Variants in DCC observed in about 807,000 individuals in gnomAD.
The protein encoded by DCC is DCC netrin 1 receptor.
A neutral mutation model predicts 172.5 loss-of-function variants in DCC; 58 were observed. That is an observed-to-expected ratio of 0.34 (90% CI 0.27 to 0.42). DCC has a LOEUF of 0.42. Among genes scored for constraint, DCC ranks in the 10% least tolerant of loss-of-function variants. The pLI is 1.00. For synonymous variants in DCC, 709 were observed against 644.5 expected (o/e 1.10, Z -1.52); for missense variants, 1,740 against 1,791.0 (o/e 0.97, Z 0.51).
intron 12 of DCC, 106 bp from the exon 13 acceptor site, chr18:53,305,469 ACTT>A: frequency 1.1e-6 from 1 of 887,962 alleles, no homozygotes; most frequent in Non-Finnish European, 1.9e-6. Flanking sequence ...AATCGCTAAC[ACTT>A]CTTGCTTCTC....
chr18:52,353,218 C>T (rs1984204352), intron 1 of DCC, among the ~76,000 whole-genome samples: 1 of 152,196 alleles, frequency 6.6e-6, no homozygotes, highest in African/African-American at 2.4e-5. Flanking sequence ...CTTGAGATTA[C>T]AAGCCCTTGA....
At chr18:52,342,285 G>C (rs1983680303) in intron 1 of DCC, among the ~76,000 whole-genome samples, 1 of 71,476 alleles carries the variant, frequency 1.4e-5, no homozygotes, top group Admixed American at 1.6e-4. Context: ...GTGTGCGTGT[G>C]TGTGTGTGTG....
intron 27 of DCC, among the ~76,000 whole-genome samples, chr18:53,514,877 G>A (rs1295176467): frequency 6.6e-6 from 1 of 151,784 alleles, no homozygotes; most frequent in Non-Finnish European, 1.5e-5. Flanking sequence ...GGTACAAGGA[G>A]GAACTAGTAC....
At chr18:53,062,575 T>G (rs8084454) in intron 5 of DCC, among the ~76,000 whole-genome samples, 7 of 151,912 alleles carry the variant, frequency 4.6e-5, no homozygotes. Flanking sequence ...CAAGGTTTTG[T>G]GGGCTAAGCC....
chr18:53,424,844 C>T (rs1227787716), intron 21 of DCC, among the ~76,000 whole-genome samples: 1 of 152,138 alleles, frequency 6.6e-6, no homozygotes, highest in Non-Finnish European at 1.5e-5. Flanking sequence ...GAGGCTTTTG[C>T]TATTTCTCTC....
At chr18:53,236,795 G>A (rs1048418213) in intron 12 of DCC, among the ~76,000 whole-genome samples, 6 of 151,988 alleles carry the variant, frequency 3.9e-5, no homozygotes, top group Non-Finnish European at 7.4e-5. Context: ...TAGGTATCCA[G>A]TTTTGTCGGC....
At chr18:53,149,176 A>G (rs991154595) in intron 7 of DCC, among the ~76,000 whole-genome samples, 2 of 152,022 alleles carry the variant, frequency 1.3e-5, no homozygotes, top group Non-Finnish European at 2.9e-5. Flanking sequence ...AAGCCTTTCT[A>G]TGAGAGTTCC....
chr18:53,281,842 G>T (rs1332324632), intron 12 of DCC, among the ~76,000 whole-genome samples: 1 of 146,096 alleles, frequency 6.8e-6, no homozygotes, highest in East Asian at 2.1e-4. Context: ...AGTTGCAATA[G>T]AATTCTCCAA....
chr18:53,046,129 A>C (rs1279602152), intron 5 of DCC, among the ~76,000 whole-genome samples: 1 of 151,958 alleles, frequency 6.6e-6, no homozygotes, highest in South Asian at 2.1e-4. Flanking sequence ...ATAGAGTCTC[A>C]AAGCTGGAAT....
intron 1 of DCC, among the ~76,000 whole-genome samples, chr18:52,591,700 A>C (rs1436317175): frequency 6.6e-6 from 1 of 151,872 alleles, no homozygotes; most frequent in Non-Finnish European, 1.5e-5. Context: ...CTCTTGCCTC[A>C]GCCTTCTGAG....
intron 1 of DCC, among the ~76,000 whole-genome samples, chr18:52,510,827 C>CAG (rs2031410980): frequency 5.3e-5 from 8 of 152,154 alleles, no homozygotes; most frequent in African/African-American, 1.9e-4. Flanking sequence ...GAGATAATCA[C>CAG]CTATTGTATG....
At chr18:52,789,515 A>G (rs2037721122) in intron 2 of DCC, among the ~76,000 whole-genome samples, 1 of 152,200 alleles carries the variant, frequency 6.6e-6, no homozygotes, top group Non-Finnish European at 1.5e-5. Context: ...ACTCTTTAAG[A>G]AAATTATTTT....
At chr18:53,339,598 G>C (rs1439205170) in intron 14 of DCC, 115 bp from the exon 15 acceptor site, 1 of 821,372 alleles carries the variant, frequency 1.2e-6, no homozygotes, top group African/African-American at 1.7e-5. Flanking sequence ...TTGGGCAATA[G>C]GTGATGCATT....
chr18:53,330,560 A>AC (rs1568060855), intron 14 of DCC, among the ~76,000 whole-genome samples: 1 of 151,936 alleles, frequency 6.6e-6, no homozygotes, highest in East Asian at 1.9e-4. Context: ...TGTCAGAGTG[A>AC]TTTTTTCAGA....
At chr18:52,343,818 C>T (rs12960128) in intron 1 of DCC, among the ~76,000 whole-genome samples, 10,889 of 152,296 alleles carry the variant, frequency 0.071, 690 homozygotes, top group East Asian at 0.31. Flanking sequence ...TCTTCTCATT[C>T]CCCCAACCAA....
chr18:52,387,575 C>G (rs551780107), intron 1 of DCC, among the ~76,000 whole-genome samples: 130 of 8,586 alleles, frequency 0.015, 2 homozygotes, highest in African/African-American at 0.066. Context: ...TGTTTTGTTT[C>G]TTCCTTCCTT....
chr18:53,295,074 G>A (rs1431185), intron 12 of DCC, among the ~76,000 whole-genome samples: 3,686 of 152,002 alleles, frequency 0.024, 153 homozygotes, highest in African/African-American at 0.084. Flanking sequence ...TACCCAACGT[G>A]TACTTAAACA....
chr18:53,261,936 T>C (rs921975063), intron 12 of DCC, among the ~76,000 whole-genome samples: 1 of 152,170 alleles, frequency 6.6e-6, no homozygotes, highest in African/African-American at 2.4e-5. Flanking sequence ...GAAGAAATGT[T>C]TAATAGGGAC....
intron 2 of DCC, among the ~76,000 whole-genome samples, chr18:52,823,461 C>A (rs1004424578): frequency 6.6e-6 from 1 of 151,936 alleles, no homozygotes; most frequent in Non-Finnish European, 1.5e-5. Context: ...AATATTTGGC[C>A]TAATTTCTTC....
Sources: allele counts gnomAD v4.1 joint callset (sites outside exome capture counted in the v4.1 genomes callset), GRCh38; gene constraint gnomAD v4.1.1; transcripts MANE v1.5; gene names NCBI Gene and HGNC (gene_info 2026-07-23, HGNC 2026-07-21).